Variants in CYTH3 observed in about 807,000 individuals in gnomAD.
The protein encoded by CYTH3 is cytohesin-3.
In CYTH3, 23 loss-of-function variants were observed where a neutral mutation model predicts 55.1. The observed-to-expected ratio is 0.42, with a 90% CI of 0.30 to 0.59. CYTH3 has a LOEUF of 0.59. Ranked by LOEUF, CYTH3 falls within the 20% of genes least tolerant of loss-of-function variation. The pLI is 0.20. For missense variants in CYTH3, 413 were observed against 524.8 expected (o/e 0.79, Z 2.08); for synonymous variants, 249 against 194.9 (o/e 1.28, Z -2.31).
At chr7:6,215,762 A>G (rs1661556165) in intron 1 of CYTH3, among the ~76,000 whole-genome samples, 1 of 152,216 alleles carries the variant, frequency 6.6e-6, no homozygotes, top group Non-Finnish European at 1.5e-5. Flanking sequence ...GACACATGAT[A>G]CACATTCTTC....
At chr7:6,220,321 A>G (rs1032429813) in intron 1 of CYTH3, among the ~76,000 whole-genome samples, 3 of 152,292 alleles carry the variant, frequency 2.0e-5, no homozygotes, top group African/African-American at 4.8e-5. Flanking sequence ...CCTAAACCTC[A>G]TATTTTATAC....
In CYTH3 at chr7:6,259,832, ATTTTT is replaced by A. The variant is rs10586697; in HGVS notation, c.34+12637_34+12641del. Among the ~76,000 whole-genome samples, 10 of 17,566 alleles carry A rather than the reference ATTTTT, an allele frequency of 5.7e-4. 1 individual carries two copies. The highest frequency in any genetic ancestry group is 3.8e-3 in the African/African-American group (8 of 2,124). The allele number at this position is 17,566 out of a possible 152,430, so 11.5% of individuals were successfully genotyped here. A position where few individuals can be genotyped will look rare whatever the true frequency, so the allele number is the denominator to read the frequency against. On this transcript the variant is annotated intron_variant, in intron 1 of 12. Coordinates refer to ENST00000350796, the MANE Select transcript of CYTH3 (RefSeq NM_004227.4). ...ATATATAATATATATATATATATAT[ATTTTT>A]TTTTTTTTTTAAGACGGATTTTCGC...
intron 1 of CYTH3, among the ~76,000 whole-genome samples, chr7:6,255,511 G>T (rs997847045): frequency 6.6e-6 from 1 of 152,166 alleles, no homozygotes; most frequent in Non-Finnish European, 1.5e-5. Context: ...GTTATCTCCA[G>T]CATGATGCAT....
chr7:6,220,718 G>A (rs560951677), intron 1 of CYTH3, among the ~76,000 whole-genome samples: 15 of 152,050 alleles, frequency 9.9e-5, no homozygotes, highest in East Asian at 1.9e-4. Flanking sequence ...ATACACAGCC[G>A]GGCGCGGTGG....
intron 1 of CYTH3, among the ~76,000 whole-genome samples, chr7:6,221,370 C>T (rs907782879): frequency 6.6e-6 from 1 of 152,138 alleles, no homozygotes; most frequent in Admixed American, 6.5e-5. Flanking sequence ...AAAATGATAA[C>T]ATCTCAGAGG....
rs1299609135 is a variant in CYTH3 at position 6,169,661 on chromosome 7, G to C, written c.823+874C>G. 6.6e-6 allele frequency among the ~76,000 whole-genome samples: 1 copy of C among 152,182 alleles called. No homozygotes were observed. The highest frequency in any genetic ancestry group is 6.5e-5 in the Admixed American group (1 of 15,276). ...ATAAGGCAACCATCCCCGCCCCGCA[G>C]GCAAAACAACCCCTCAGCATTTCTA... On this transcript the variant is annotated intron_variant, in intron 9 of 12. Coordinates refer to ENST00000350796, the MANE Select transcript of CYTH3 (RefSeq NM_004227.4). The surrounding 1 kb of genome is among the most constrained non-coding windows in gnomAD (Gnocchi z 4.1).
chr7:6,205,289 A>G (rs1784157706), intron 1 of CYTH3, among the ~76,000 whole-genome samples: 1 of 152,146 alleles, frequency 6.6e-6, no homozygotes, highest in Non-Finnish European at 1.5e-5. Context: ...AAATACCAAC[A>G]AAGGCCAGGC....
intron 4 of CYTH3, among the ~76,000 whole-genome samples, chr7:6,181,741 A>C (rs974340849): frequency 6.6e-6 from 1 of 152,112 alleles, no homozygotes. Context: ...CTTCTATTAC[A>C]TGAAATTTGG....
At chr7:6,235,125 A>C (rs1779485794) in intron 1 of CYTH3, among the ~76,000 whole-genome samples, 1 of 152,148 alleles carries the variant, frequency 6.6e-6, no homozygotes, top group Non-Finnish European at 1.5e-5. Flanking sequence ...CCTGTCACTT[A>C]TCCTTTAAGG....
At chr7:6,253,399 G>A (rs1780021429) in intron 1 of CYTH3, among the ~76,000 whole-genome samples, 1 of 151,798 alleles carries the variant, frequency 6.6e-6, no homozygotes, top group Non-Finnish European at 1.5e-5. Flanking sequence ...AGTAGAGATA[G>A]GGTTTCACCA....
At chr7:6,242,599 A>G (rs913454788) in intron 1 of CYTH3, among the ~76,000 whole-genome samples, 5 of 134,110 alleles carry the variant, frequency 3.7e-5, no homozygotes, top group African/African-American at 1.4e-4. Flanking sequence ...CTGGTCTCAA[A>G]CTCCTGATCT....
At position 6,171,625 on chromosome 7, in the gene CYTH3, TCTC is replaced by T. The variant is rs1783198140; in HGVS notation, c.450-314_450-312del. 3.3e-6 allele frequency: 1 copy of T among 306,500 alleles called. No individual in the cohort carries two copies. Among genetic ancestry groups the T allele is most frequent in the African/African-American group, 2.1e-5 (1 of 46,838 alleles). 19.0% of individuals were successfully genotyped at this position (306,500 alleles called of 1,614,324 possible). The stretch of plus-strand genomic sequence containing the variant: ...CACTTCTCTGTCCCCATTGCCACCA[TCTC>T]CTGCTGCTGCCAGGTGATCACCAGA... On this transcript the variant is annotated intron_variant, in intron 6 of 12. Coordinates refer to ENST00000350796, the MANE Select transcript of CYTH3 (RefSeq NM_004227.4). The surrounding 1 kb of genome is among the most constrained non-coding windows in gnomAD (Gnocchi z 6.7).
Position 6,258,362 on chromosome 7 carries a change from G to A in CYTH3, c.34+14112C>T, listed in dbSNP as rs151281236. ...AACGCAACTCCTCATATATTTATTTGTGAAGGAAGAAACTTCTTGCAGACA... is the reference window on the plus strand; with the variant it reads ...AACGCAACTCCTCATATATTTATTTATGAAGGAAGAAACTTCTTGCAGACA... On this transcript the variant is annotated intron_variant, in intron 1 of 12. Coordinates refer to ENST00000350796, the MANE Select transcript of CYTH3 (RefSeq NM_004227.4). Among the ~76,000 whole-genome samples, 589 of 151,720 alleles carry A rather than the reference G, an allele frequency of 3.9e-3. 3 individuals are homozygous for A. The highest frequency in any genetic ancestry group is 0.013 in the African/African-American group (557 of 41,304).
chr7:6,208,168 C>G (rs1242190342), intron 1 of CYTH3, among the ~76,000 whole-genome samples: 3 of 152,148 alleles, frequency 2.0e-5, no homozygotes, highest in African/African-American at 7.2e-5. Context: ...TTGTACACTA[C>G]AAAGACGACA....
Position 6,164,939 on chromosome 7 carries a change from G to A in CYTH3, c.*5C>T, listed in dbSNP as rs1782945130. 1.2e-6 allele frequency: 2 copies of A among 1,614,232 alleles called. No homozygotes were observed. Among genetic ancestry groups the A allele is most frequent in the East Asian group, 2.2e-5 (1 of 44,882 alleles). ...TCTTTTACCTGGGTCTTTTAGCCAG[G>A]AAAGCTATTTTTTATTGGCAATCCT... On this transcript the variant is annotated 3_prime_UTR_variant, in exon 13 of 13. Coordinates refer to ENST00000350796, the MANE Select transcript of CYTH3 (RefSeq NM_004227.4).
chr7:6,253,261 A>G (rs1216709119), intron 1 of CYTH3, among the ~76,000 whole-genome samples: 2 of 148,568 alleles, frequency 1.3e-5, no homozygotes, highest in African/African-American at 5.0e-5. Context: ...GTGTTCACCC[A>G]GGCTGGAGTG....
chr7:6,207,427 C>T (rs1784219725), intron 1 of CYTH3, among the ~76,000 whole-genome samples: 1 of 152,128 alleles, frequency 6.6e-6, no homozygotes, highest in Non-Finnish European at 1.5e-5. Flanking sequence ...TGATATACAG[C>T]TATAAAGAAT....
intron 1 of CYTH3, among the ~76,000 whole-genome samples, chr7:6,244,628 C>T (rs552178353): frequency 1.3e-5 from 2 of 152,016 alleles, no homozygotes; most frequent in African/African-American, 4.8e-5. Flanking sequence ...TCACACCCAG[C>T]TTTTAATTTT....
chr7:6,188,472 T>C (rs1199875338), intron 2 of CYTH3, among the ~76,000 whole-genome samples: 1 of 152,174 alleles, frequency 6.6e-6, no homozygotes, highest in Non-Finnish European at 1.5e-5. Flanking sequence ...ACTGCCTGTG[T>C]TCCCAGGGAG....
Sources: allele counts gnomAD v4.1 joint callset (sites outside exome capture counted in the v4.1 genomes callset), GRCh38; gene constraint gnomAD v4.1.1; non-coding constraint Gnocchi (gnomAD v3.1); transcripts MANE v1.5; gene names NCBI Gene and HGNC (gene_info 2026-07-23, HGNC 2026-07-21).